Variants in TRPM2 observed in about 807,000 individuals in gnomAD.
TRPM2 encodes the protein estrogen-responsive element-associated gene 1 protein.
In TRPM2, 161 loss-of-function variants were observed where a neutral mutation model predicts 174.0. That is an observed-to-expected ratio of 0.93 (90% CI 0.81 to 1.05). The LOEUF is 1.05. Ranked by LOEUF, TRPM2 falls within the 50% of genes least tolerant of loss-of-function variation. The probability of loss-of-function intolerance (pLI) is 0.00; values close to 1 mark genes in which losing one functional copy is unlikely to be tolerated. For synonymous variants in TRPM2, 954 were observed against 861.3 expected (o/e 1.11, Z -1.88); for missense variants, 2,057 against 2,038.0 (o/e 1.01, Z -0.18).
intron 28 of TRPM2, among the ~76,000 whole-genome samples, chr21:44,435,764 C>T (rs1183025381): frequency 7.8e-6 from 1 of 128,730 alleles, no homozygotes. Context: ...TCTCCACACC[C>T]ATCCATGGGG....
chr21:44,392,863 C>T (rs2146247157), intron 11 of TRPM2, among the ~76,000 whole-genome samples: 1 of 152,280 alleles, frequency 6.6e-6, no homozygotes, highest in African/African-American at 2.4e-5. Context: ...TAACATTCCA[C>T]CGTATTTTTG....
chr21:44,401,551 CCT>C, intron 15 of TRPM2, 128 bp from the exon 16 acceptor site: 1 of 893,930 alleles, frequency 1.1e-6, no homozygotes, highest in Non-Finnish European at 1.7e-6. Flanking sequence ...GCCCCGGATC[CCT>C]GAGTGCTTTT....
chr21:44,405,941 C>T lies in TRPM2; in HGVS notation c.2694C>T (p.Ile898=). ...CGACGCTGTACCCCGGGCGCGTCAT[C>T]CTCTCTCTGGACTTCATCCTGTTCT... ...IPATLYPGRV[I]LSLDFILFCL... The change falls in exon 18 of 32, where the codon ATC becomes ATT. Residue 898 remains isoleucine (I), a synonymous_variant. Transcript: ENST00000397928. The T allele has an allele frequency of 6.2e-7, 1 of 1,607,520 alleles. No individual in the cohort carries two copies. The highest frequency in any genetic ancestry group is 8.5e-7 in the Non-Finnish European group (1 of 1,179,740).
chr21:44,410,232 T>G (rs1480675656), intron 19 of TRPM2, among the ~76,000 whole-genome samples: 11 of 74,320 alleles, frequency 1.5e-4, no homozygotes, highest in African/African-American at 3.4e-4. Context: ...CTGTCTTGGT[T>G]GGCGTAGCCT....
At chr21:44,377,597 C>G (rs1055994172) in intron 6 of TRPM2, 115 bp from the exon 7 acceptor site, 2 of 1,402,268 alleles carry the variant, frequency 1.4e-6, no homozygotes, top group Non-Finnish European at 2.0e-6. Flanking sequence ...AGTGCAGGGT[C>G]TTGCCCCCCA....
intron 25 of TRPM2, among the ~76,000 whole-genome samples, chr21:44,426,126 A>G (rs1279586198): frequency 1.4e-5 from 1 of 72,178 alleles, no homozygotes; most frequent in Non-Finnish European, 2.9e-5. Flanking sequence ...CCCCGGCCCC[A>G]TTCCCCCAGG....
intron 20 of TRPM2, among the ~76,000 whole-genome samples, chr21:44,417,181 A>G (rs1254419412): frequency 1.5e-5 from 2 of 132,238 alleles, no homozygotes; most frequent in Non-Finnish European, 3.2e-5. Flanking sequence ...CTGTGGCATC[A>G]CAGTGGGCAC....
At position 44,391,493 on chromosome 21, in the gene TRPM2, C is replaced by T. The variant is rs1264374304; in HGVS notation, c.1662C>T (p.Pro554=). 1 of 1,610,770 alleles carries T rather than the reference C, an allele frequency of 6.2e-7. No homozygotes were observed. The highest frequency in any genetic ancestry group is 8.5e-7 in the Non-Finnish European group (1 of 1,179,404). ...PERPACAPAA[P]RLQMHHVAQV... ...GCCCGGCTTGCGCGCCCGCGGCGCC[C>T]CGCCTGCAGATGCACCACGTGGCCC... is the stretch of plus-strand genomic sequence containing the variant. Residue 554 remains proline, a synonymous_variant, in exon 11 of 32, where the codon CCC becomes CCT. Transcript: ENST00000397928. This position sits in a 1 kb window ranked among gnomAD's most constrained non-coding sequence, Gnocchi z 5.0.
chr21:44,437,957 G>C (rs533710903), intron 29 of TRPM2, among the ~76,000 whole-genome samples: 2 of 152,388 alleles, frequency 1.3e-5, no homozygotes, highest in Admixed American at 1.3e-4. Context: ...CGGGGAGTCT[G>C]TGACTTACAA....
chr21:44,355,763 C>T (rs1034268612), intron 2 of TRPM2, among the ~76,000 whole-genome samples: 3 of 151,844 alleles, frequency 2.0e-5, no homozygotes, highest in Non-Finnish European at 1.5e-5. Context: ...ACTGTGTTGC[C>T]CCAGGGTACC....
At chr21:44,398,203 A>T (rs2049493987) in intron 13 of TRPM2, among the ~76,000 whole-genome samples, 1 of 91,616 alleles carries the variant, frequency 1.1e-5, no homozygotes, top group African/African-American at 4.9e-5. Flanking sequence ...AAATTTGGAG[A>T]CTGTTTTTTT....
Position 44,391,376 on chromosome 21 carries a change from C to G in TRPM2, c.1545C>G (p.Thr515=). 6.2e-7 allele frequency: 1 copy of G among 1,614,198 alleles called. No individual in the cohort carries two copies. ...GGGTGCAGCTGAAGGAGTTTGTCAC[C>G]TGGGACACCTTGCTCTACCTGTACG... The part of the protein sequence containing the change: ...ENGVQLKEFV[T]WDTLLYLYEN... Residue 515 remains threonine, a synonymous_variant, in exon 11 of 32, where the codon ACC becomes ACG. Coordinates refer to ENST00000397928, the MANE Select transcript of TRPM2 (RefSeq NM_003307.4). The surrounding 1 kb of genome is among the most constrained non-coding windows in gnomAD (Gnocchi z 5.0).
chr21:44,357,570 G>A (rs913593534), intron 2 of TRPM2, among the ~76,000 whole-genome samples: 1 of 152,192 alleles, frequency 6.6e-6, no homozygotes, highest in African/African-American at 2.4e-5. Flanking sequence ...CTCTAGCCGA[G>A]AAGCACGTGG....
chr21:44,385,607 C>T (rs962260786), intron 9 of TRPM2, among the ~76,000 whole-genome samples: 1 of 152,176 alleles, frequency 6.6e-6, no homozygotes, highest in African/African-American at 2.4e-5. Flanking sequence ...TATTTGTTCA[C>T]AGATGATATG....
chr21:44,399,324 C>A lies in TRPM2; in HGVS notation c.2091C>A (p.Asp697Glu). Residue 697 changes from aspartate to glutamate, a missense_variant, in exon 14 of 32, where the codon GAC (aspartate) becomes GAA (glutamate). Physicochemically the swap from Asp to Glu is conservative, Grantham distance 45 (BLOSUM62 2). Transcript: ENST00000397928. The surrounding 1 kb of genome is among the most constrained non-coding windows in gnomAD (Gnocchi z 4.6). ...TCTTCACCGAGTGCTACCGGAAGGA[C>A]GAAGAGAGAGCCCAGAAACTGCTCA... ...IGVFTECYRKDEERAQKLLTR... is the reference protein window; with the variant it reads ...IGVFTECYRKEEERAQKLLTR... 1.2e-6 allele frequency: 2 copies of A among 1,612,698 alleles called. No homozygotes were observed. Among genetic ancestry groups the A allele is most frequent in the Non-Finnish European group, 8.5e-7 (1 of 1,179,854 alleles).
chr21:44,369,465 G>T, intron 5 of TRPM2, 122 bp downstream of exon 5: 1 of 1,163,794 alleles, frequency 8.6e-7, no homozygotes, highest in Non-Finnish European at 1.2e-6. Flanking sequence ...CTGACCGGGC[G>T]CTGTGGGGAG....
chr21:44,404,150 C>T (rs1169534981), intron 16 of TRPM2, among the ~76,000 whole-genome samples: 1 of 151,880 alleles, frequency 6.6e-6, no homozygotes, highest in African/African-American at 2.4e-5. Flanking sequence ...CACACACATA[C>T]AGACACATAC....
intron 5 of TRPM2, among the ~76,000 whole-genome samples, chr21:44,371,927 G>T (rs1029420265): frequency 3.3e-5 from 5 of 152,142 alleles, no homozygotes; most frequent in African/African-American, 1.2e-4. Context: ...GAGGACAAAA[G>T]TTCAAGACCA....
intron 13 of TRPM2, among the ~76,000 whole-genome samples, chr21:44,398,568 G>A (rs547210545): frequency 2.6e-5 from 4 of 152,090 alleles, no homozygotes; most frequent in Admixed American, 1.3e-4. Context: ...TGATTGGTTG[G>A]GCCAGAGATG....
Sources: gnomAD v4.1 joint callset for allele counts (sites outside exome capture counted in the v4.1 genomes callset) on GRCh38, gnomAD v4.1.1 for gene constraint, Gnocchi (gnomAD v3.1) non-coding constraint, MANE v1.5 for transcripts, NCBI Gene and HGNC (gene_info 2026-07-23, HGNC 2026-07-21) for gene names.